The following FAM199X variants were observed in gnomAD, a reference collection of about 807,000 sequenced individuals.
FAM199X encodes family with sequence similarity 199, X-linked.
Under a neutral mutation model 22.9 loss-of-function variants are expected in FAM199X, and 4 were observed. The ratio of observed to expected loss-of-function variants is 0.17; its 90% confidence interval spans 0.09 to 0.40. FAM199X has a LOEUF of 0.40. Among genes scored for constraint, FAM199X ranks in the 10% least tolerant of loss-of-function variants. The pLI is 1.00. For missense variants in FAM199X, 183 were observed against 306.8 expected, an observed-to-expected ratio of 0.60 and a Z score of 3.01; for synonymous variants, 101 against 112.3, an observed-to-expected ratio of 0.90 and a Z score of 0.64.
chrX:104,166,718 G>C lies in FAM199X; in HGVS notation c.-68G>C, dbSNP rs1556373978. ...TCGGCGACTGCGGACAGGTTAGAGT[G>C]GGGGCAGGGGCGGGCGCGGGAGCAG... On this transcript the variant is annotated 5_prime_UTR_variant, in exon 1 of 6. Transcript: ENST00000493442. 3 of 1,034,235 alleles carry C rather than the reference G, an allele frequency of 2.9e-6. No homozygotes were observed. The highest frequency in any genetic ancestry group is 2.7e-5 in the Admixed American group (1 of 36,847). 85.2% of individuals were successfully genotyped at this position (1,034,235 alleles called of 1,213,427 possible). A position where few individuals can be genotyped will look rare whatever the true frequency, so the allele number is the denominator to read the frequency against.
At chrX:104,173,642 C>G (rs935908073) in intron 1 of FAM199X, among the ~76,000 whole-genome samples, 10 of 112,011 alleles carry the variant, frequency 8.9e-5, no homozygotes, top group Non-Finnish European at 1.5e-4. Flanking sequence ...GAAGTCATTA[C>G]TTCAGGAGCT....
chrX:104,175,412 C>T (rs1019464753), intron 1 of FAM199X, among the ~76,000 whole-genome samples: 18 of 111,845 alleles, frequency 1.6e-4, no homozygotes, highest in Non-Finnish European at 2.3e-4. Context: ...CCTCTATCCA[C>T]TCCCCAACCC....
At chrX:104,182,239 G>T (rs782689793) in intron 2 of FAM199X, among the ~76,000 whole-genome samples, 1 of 110,061 alleles carries the variant, frequency 9.1e-6, no homozygotes, top group African/African-American at 3.3e-5. Flanking sequence ...TGTCCGCCTC[G>T]GCCTCCCAGA....
chrX:104,173,973 CTT>C (rs1556375897), intron 1 of FAM199X, among the ~76,000 whole-genome samples: 1 of 111,785 alleles, frequency 8.9e-6, no homozygotes, highest in African/African-American at 3.2e-5. Context: ...ATAAATAAAA[CTT>C]GATATAAAAA....
chrX:104,174,011 A>G (rs1335760896), intron 1 of FAM199X, among the ~76,000 whole-genome samples: 1 of 112,190 alleles, frequency 8.9e-6, no homozygotes, highest in Non-Finnish European at 1.9e-5. Flanking sequence ...GCAGTGGCTC[A>G]TGCCTGTAAT....
At chrX:104,185,507 A>T (rs782614790) in intron 2 of FAM199X, among the ~76,000 whole-genome samples, 104 of 112,402 alleles carry the variant, frequency 9.3e-4, no homozygotes, top group Non-Finnish European at 1.8e-3. Flanking sequence ...TTGAATAACT[A>T]TATGCAAAGA....
chrX:104,186,366 T>G (rs1374368421), intron 3 of FAM199X, 94 bp from the exon 4 acceptor site: 3 of 1,087,674 alleles, frequency 2.8e-6, no homozygotes, highest in Non-Finnish European at 3.7e-6. Context: ...AAATATAACC[T>G]TAAGTGCTTC....
At chrX:104,177,021 T>C (rs1556376623) in intron 2 of FAM199X, among the ~76,000 whole-genome samples, 1 of 111,666 alleles carries the variant, frequency 9.0e-6, no homozygotes. Flanking sequence ...AATGTATAAT[T>C]CAGTAGTTAT....
At chrX:104,186,340 C>A in intron 3 of FAM199X, 120 bp from the exon 4 acceptor site, 1 of 1,076,957 alleles carries the variant, frequency 9.3e-7, no homozygotes, top group Non-Finnish European at 1.2e-6. Context: ...TGAGCTTTAA[C>A]GGTTTTTCAG....
chrX:104,168,646 T>C (rs1249933372), intron 1 of FAM199X, among the ~76,000 whole-genome samples: 1 of 111,532 alleles, frequency 9.0e-6, no homozygotes, highest in Non-Finnish European at 1.9e-5. Flanking sequence ...AGGCTGTGGG[T>C]AAGTACTGCC....
At chrX:104,179,157 G>A (rs781789954) in intron 2 of FAM199X, among the ~76,000 whole-genome samples, 165 of 111,741 alleles carry the variant, frequency 1.5e-3, no homozygotes, top group African/African-American at 5.0e-3. Context: ...TTTAGGATCA[G>A]GTTGCCCGTT....
chrX:104,167,659 T>G (rs892367611), intron 1 of FAM199X, among the ~76,000 whole-genome samples: 19 of 111,095 alleles, frequency 1.7e-4, no homozygotes, highest in African/African-American at 5.2e-4. Flanking sequence ...GACATATCCC[T>G]TGGTTTCCTT....
intron 2 of FAM199X, among the ~76,000 whole-genome samples, chrX:104,182,401 C>T (rs1921683363): frequency 9.0e-6 from 1 of 111,247 alleles, no homozygotes; most frequent in Admixed American, 9.6e-5. Flanking sequence ...AATCTTTCCT[C>T]ACTCTATTTT....
At chrX:104,168,311 A>G (rs1283089216) in intron 1 of FAM199X, among the ~76,000 whole-genome samples, 1 of 112,313 alleles carries the variant, frequency 8.9e-6, no homozygotes, top group Non-Finnish European at 1.9e-5. Context: ...AACCTAGTCA[A>G]GCAAATCCAA....
At chrX:104,186,798 C>T (rs1379255598) in intron 4 of FAM199X, among the ~76,000 whole-genome samples, 177 bp downstream of exon 4, 1 of 111,797 alleles carries the variant, frequency 8.9e-6, no homozygotes, top group East Asian at 2.8e-4. Flanking sequence ...TACATCTCAC[C>T]TGCCAGTACC....
chrX:104,178,429 A>C (rs1487563239), intron 2 of FAM199X, among the ~76,000 whole-genome samples: 1 of 111,221 alleles, frequency 9.0e-6, no homozygotes, highest in Non-Finnish European at 1.9e-5. Flanking sequence ...GGCCTCCCAA[A>C]GTGCTAGGAT....
rs1472599660 is a variant in FAM199X, at chrX:104,194,753, G to A, written c.*4975G>A. 9.0e-6 allele frequency: 1 copy of A among 111,603 alleles called. No individual in the cohort carries two copies. Among genetic ancestry groups the A allele is most frequent in the Non-Finnish European group, 1.9e-5 (1 of 52,982 alleles). The allele number at this position is 111,603 out of a possible 1,213,427, so 9.2% of individuals were successfully genotyped here. A position where few individuals can be genotyped will look rare whatever the true frequency, so the allele number is the denominator to read the frequency against. On this transcript the variant is annotated 3_prime_UTR_variant, in exon 6 of 6. Coordinates refer to ENST00000493442, the MANE Select transcript of FAM199X (RefSeq NM_207318.4). The stretch of plus-strand genomic sequence containing the variant: ...TAAAAATTTCAAATTGTGGGTTTTT[G>A]TTTTTGCTTTTTAGTTTCAAAGATT...
At chrX:104,172,471 A>G (rs1244509565) in intron 1 of FAM199X, among the ~76,000 whole-genome samples, 4 of 110,674 alleles carry the variant, frequency 3.6e-5, no homozygotes, top group African/African-American at 1.3e-4. Context: ...CTAGTAAAAA[A>G]TACTGTTATT....
Position 104,189,454 on chromosome X carries a change from A to G in FAM199X, c.997-154A>G, listed in dbSNP as rs1173285348. ...GGAATCTTAATCATTTTTAAGCCTA[A>G]GCCAGTGGCTCACTTATTGGAACAA... On this transcript the variant is annotated intron_variant, in intron 5 of 5. Coordinates refer to ENST00000493442, the MANE Select transcript of FAM199X (RefSeq NM_207318.4). 7.1e-5 allele frequency among the ~76,000 whole-genome samples: 8 copies of G among 112,244 alleles called. No individual in the cohort carries two copies. In the East Asian group the frequency reaches 1.7e-3, roughly 23 times the overall value.
Sources: allele counts gnomAD v4.1 joint callset (sites outside exome capture counted in the v4.1 genomes callset), GRCh38; gene constraint gnomAD v4.1.1; transcripts MANE v1.5; gene names NCBI Gene and HGNC (gene_info 2026-07-23, HGNC 2026-07-21).